The following PCDH9 variants were observed in gnomAD, a reference collection of about 807,000 sequenced individuals.
PCDH9 encodes the protein protocadherin-9.
Under a neutral mutation model 70.6 loss-of-function variants are expected in PCDH9, and 24 were observed. That is an observed-to-expected ratio of 0.34 (90% CI 0.25 to 0.48). The LOEUF (loss-of-function observed/expected upper bound fraction) is 0.48. PCDH9 is among the 20% of genes least tolerant of loss of function. PCDH9 has a pLI of 0.99. For synonymous variants in PCDH9, 562 were observed against 558.5 expected (o/e 1.01, Z -0.09); for missense variants, 1,281 against 1,503.6 (o/e 0.85, Z 2.45).
chr13:66,829,842 T>A (rs2080895056), intron 3 of PCDH9, among the ~76,000 whole-genome samples: 1 of 151,800 alleles, frequency 6.6e-6, no homozygotes, highest in African/African-American at 2.4e-5. Flanking sequence ...TATTTTTAAC[T>A]TATCAAATCT....
intron 3 of PCDH9, among the ~76,000 whole-genome samples, chr13:66,807,452 A>G (rs2080428580): frequency 1.3e-5 from 2 of 152,214 alleles, no homozygotes; most frequent in Non-Finnish European, 2.9e-5. Context: ...GGGGTGTTAT[A>G]TAAGAACTTG....
intron 3 of PCDH9, among the ~76,000 whole-genome samples, chr13:66,785,702 T>C (rs1162714868): frequency 2.0e-5 from 3 of 152,092 alleles, no homozygotes; most frequent in Non-Finnish European, 1.5e-5. Flanking sequence ...CAACAGAAAG[T>C]TGTTGACAAA....
At chr13:66,784,010 C>A (rs1250389305) in intron 3 of PCDH9, among the ~76,000 whole-genome samples, 1 of 151,936 alleles carries the variant, frequency 6.6e-6, no homozygotes. Context: ...ATTGAGAAAA[C>A]CTTCATAAAC....
intron 2 of PCDH9, among the ~76,000 whole-genome samples, chr13:67,158,989 C>T (rs1166584836): frequency 6.6e-6 from 1 of 152,164 alleles, no homozygotes; most frequent in Non-Finnish European, 1.5e-5. Flanking sequence ...GGGTATCACC[C>T]TATCCACAGA....
chr13:66,963,113 G>A (rs747500288), intron 2 of PCDH9, among the ~76,000 whole-genome samples: 1 of 152,156 alleles, frequency 6.6e-6, no homozygotes, highest in Non-Finnish European at 1.5e-5. Flanking sequence ...ATCTAATGCT[G>A]CTGCTGATCT....
At chr13:66,631,182 A>G in intron 4 of PCDH9, 28 bp downstream of exon 4, 1 of 1,206,140 alleles carries the variant, frequency 8.3e-7, no homozygotes, top group Non-Finnish European at 1.2e-6. Flanking sequence ...AACAACTCCA[A>G]GCAATCAAAA....
At chr13:67,040,399 C>T (rs1222063955) in intron 2 of PCDH9, among the ~76,000 whole-genome samples, 1 of 152,140 alleles carries the variant, frequency 6.6e-6, no homozygotes, top group Non-Finnish European at 1.5e-5. Flanking sequence ...TGTGTGAGCC[C>T]AGGAGTTCAA....
intron 3 of PCDH9, among the ~76,000 whole-genome samples, chr13:66,746,571 G>C (rs1254990009): frequency 2.6e-5 from 4 of 152,038 alleles, no homozygotes; most frequent in Non-Finnish European, 1.5e-5. Context: ...GAAAAAGTAA[G>C]TAAAAAAATC....
At chr13:66,471,037 C>T (rs1958609583) in intron 4 of PCDH9, among the ~76,000 whole-genome samples, 1 of 151,616 alleles carries the variant, frequency 6.6e-6, no homozygotes, top group African/African-American at 2.4e-5. Context: ...GAATCAAGTA[C>T]AGTACTTCTA....
At chr13:67,182,696 A>G (rs1466160017) in intron 2 of PCDH9, among the ~76,000 whole-genome samples, 1 of 152,090 alleles carries the variant, frequency 6.6e-6, no homozygotes, top group Non-Finnish European at 1.5e-5. Flanking sequence ...AATTGTTACC[A>G]CCCAGACTTA....
At chr13:66,762,664 T>C (rs1209320472) in intron 3 of PCDH9, among the ~76,000 whole-genome samples, 2 of 152,050 alleles carry the variant, frequency 1.3e-5, no homozygotes, top group Non-Finnish European at 1.5e-5. Context: ...GTTGTTCAAA[T>C]TGATGTTTTG....
intron 3 of PCDH9, among the ~76,000 whole-genome samples, chr13:66,810,827 ATG>A (rs921808508): frequency 7.2e-5 from 11 of 151,774 alleles, no homozygotes; most frequent in Non-Finnish European, 1.2e-4. Flanking sequence ...TAGAAGCTGA[ATG>A]TGTGTGTACA....
At chr13:66,688,479 T>C (rs1458683075) in intron 3 of PCDH9, among the ~76,000 whole-genome samples, 1 of 152,144 alleles carries the variant, frequency 6.6e-6, no homozygotes, top group Non-Finnish European at 1.5e-5. Context: ...AGGAGAGATA[T>C]GCACAAAGTG....
At chr13:66,460,549 A>T (rs1958404532) in intron 4 of PCDH9, among the ~76,000 whole-genome samples, 1 of 151,956 alleles carries the variant, frequency 6.6e-6, no homozygotes. Context: ...TACAATTTAT[A>T]AAATCCTGAG....
intron 2 of PCDH9, among the ~76,000 whole-genome samples, chr13:67,043,195 T>A (rs1350114419): frequency 6.6e-6 from 1 of 152,180 alleles, no homozygotes; most frequent in Non-Finnish European, 1.5e-5. Context: ...GAACATCACA[T>A]GCCAATATTT....
intron 4 of PCDH9, among the ~76,000 whole-genome samples, chr13:66,338,800 T>C (rs927020002): frequency 9.2e-5 from 14 of 152,020 alleles, no homozygotes; most frequent in African/African-American, 2.9e-4. Context: ...CTTTATGACT[T>C]TAATTTTTCT....
At chr13:66,605,016 T>A (rs762227561) in intron 4 of PCDH9, among the ~76,000 whole-genome samples, 1 of 152,108 alleles carries the variant, frequency 6.6e-6, no homozygotes, top group Non-Finnish European at 1.5e-5. Context: ...ATCAGAATCA[T>A]TGAGAAACTC....
At chr13:66,559,817 A>AAT (rs1555306267) in intron 4 of PCDH9, among the ~76,000 whole-genome samples, 112 of 93,068 alleles carry the variant, frequency 1.2e-3, no homozygotes, top group East Asian at 2.2e-3. Context: ...AAAAAAAAAA[A>AAT]ATATATATAT....
At chr13:67,089,715 G>T (rs1303374977) in intron 2 of PCDH9, among the ~76,000 whole-genome samples, 2 of 151,948 alleles carry the variant, frequency 1.3e-5, no homozygotes, top group Non-Finnish European at 2.9e-5. Flanking sequence ...GACCTCTTTG[G>T]TCAATAGTCA....
Sources: gnomAD v4.1 joint callset for allele counts (sites outside exome capture counted in the v4.1 genomes callset) on GRCh38, gnomAD v4.1.1 for gene constraint, MANE v1.5 for transcripts, NCBI Gene and HGNC (gene_info 2026-07-23, HGNC 2026-07-21) for gene names.